GLIS3: variants seen among roughly 807,000 people sequenced by gnomAD.
The protein encoded by GLIS3 is zinc finger protein GLIS3.
Under a neutral mutation model 78.6 loss-of-function variants are expected in GLIS3, and 53 were observed. The ratio of observed to expected loss-of-function variants is 0.67; its 90% CI spans 0.54 to 0.85. GLIS3 has a LOEUF of 0.85. GLIS3 is among the 40% of genes least tolerant of loss of function. The pLI, the probability that GLIS3 is intolerant of heterozygous loss-of-function variation, is 0.00. For missense variants in GLIS3, 1,703 were observed against 1,231.1 expected, an observed-to-expected ratio of 1.38 and a Z score of -5.74; for synonymous variants, 684 against 509.9, an observed-to-expected ratio of 1.34 and a Z score of -4.60.
chr9:3,970,827 G>C (rs561397621), intron 4 of GLIS3, among the ~76,000 whole-genome samples: 2 of 152,254 alleles, frequency 1.3e-5, no homozygotes, highest in East Asian at 1.9e-4. Flanking sequence ...ATGAGAAGAT[G>C]AGTATTCCCA....
At chr9:4,231,585 T>A (rs189965858) in intron 2 of GLIS3, among the ~76,000 whole-genome samples, 123 of 152,092 alleles carry the variant, frequency 8.1e-4, no homozygotes, top group Admixed American at 2.2e-3. Flanking sequence ...CAGAAAAACA[T>A]CAGAATAAAG....
the GLIS3 span, among the ~76,000 whole-genome samples, chr9:4,440,733 G>C: frequency 6.6e-6 from 1 of 152,122 alleles, no homozygotes; most frequent in African/African-American, 2.4e-5. Context: ...CATTGATTTT[G>C]TAGATCACTT....
intron 9 of GLIS3, among the ~76,000 whole-genome samples, chr9:3,830,420 C>T (rs1444168069): frequency 6.6e-6 from 1 of 152,162 alleles, no homozygotes; most frequent in Non-Finnish European, 1.5e-5. Context: ...AGCATTGTGG[C>T]TCTGCTGTTA....
intron 4 of GLIS3, among the ~76,000 whole-genome samples, chr9:4,067,844 C>T (rs991459356): frequency 6.6e-6 from 1 of 151,484 alleles, no homozygotes; most frequent in Admixed American, 6.6e-5. Flanking sequence ...ACAGATTGAT[C>T]CCAGACTTCT....
intron 2 of GLIS3, among the ~76,000 whole-genome samples, chr9:4,225,766 C>G (rs973325835): frequency 5.9e-5 from 9 of 152,170 alleles, no homozygotes; most frequent in African/African-American, 2.2e-4. Flanking sequence ...ACAACTTGAA[C>G]TCTTGAGACC....
rs561670253 is a variant in GLIS3 at position 4,130,647 on chromosome 9, T to C, written c.389-4706A>G. Reference sequence around the variant, plus strand: ...ATGCAAGAGTTGAGGCTTGGAAGCTTCTGCCTAGATTTCAGAGGATGCATG... The same window carrying C: ...ATGCAAGAGTTGAGGCTTGGAAGCTCCTGCCTAGATTTCAGAGGATGCATG... On this transcript the variant is annotated intron_variant, in intron 2 of 10. Coordinates refer to ENST00000381971, the MANE Select transcript of GLIS3 (RefSeq NM_001042413.2). Among the ~76,000 whole-genome samples, 4 of 152,336 alleles carry C rather than the reference T, an allele frequency of 2.6e-5. No individual in the cohort carries two copies. In the South Asian group the frequency reaches 8.3e-4, roughly 32 times the overall value.
At chr9:3,905,833 C>T (rs750891080) in intron 6 of GLIS3, among the ~76,000 whole-genome samples, 63 of 152,320 alleles carry the variant, frequency 4.1e-4, no homozygotes, top group Non-Finnish European at 8.4e-4. Flanking sequence ...CTTCCCCATT[C>T]TTCCACTGTC....
chr9:4,123,522 A>C (rs560884532), intron 3 of GLIS3, among the ~76,000 whole-genome samples: 2 of 152,288 alleles, frequency 1.3e-5, no homozygotes, highest in Middle Eastern at 6.8e-3. Flanking sequence ...AGTGCCAACT[A>C]ACAAAAGACT....
chr9:4,206,805 T>C (rs1422400850), intron 2 of GLIS3, among the ~76,000 whole-genome samples: 3 of 145,812 alleles, frequency 2.1e-5, no homozygotes, highest in African/African-American at 5.7e-5. Context: ...TAACTGTTTA[T>C]TGAAATGCGA....
chr9:3,845,039 T>A (rs1818946363), intron 9 of GLIS3, among the ~76,000 whole-genome samples: 1 of 151,332 alleles, frequency 6.6e-6, no homozygotes, highest in African/African-American at 2.4e-5. Flanking sequence ...TTTAGAAATA[T>A]TTCCTAAGAA....
chr9:4,416,156 G>A, the GLIS3 span, among the ~76,000 whole-genome samples: 1 of 145,062 alleles, frequency 6.9e-6, no homozygotes, highest in Non-Finnish European at 1.5e-5. Context: ...GGAGATCAAG[G>A]CAAGAGGATC....
At chr9:4,469,853 T>A in the GLIS3 span, among the ~76,000 whole-genome samples, 2 of 152,256 alleles carry the variant, frequency 1.3e-5, no homozygotes, top group African/African-American at 2.4e-5. Flanking sequence ...GGAGCTGTTT[T>A]TTTGAGAAGA....
chr9:4,048,860 G>C (rs1825473648), intron 4 of GLIS3, among the ~76,000 whole-genome samples: 1 of 152,138 alleles, frequency 6.6e-6, no homozygotes. Flanking sequence ...CGCTTTTCTA[G>C]AAACAGGCAA....
chr9:4,267,860 T>A (rs1339420455), intron 2 of GLIS3, among the ~76,000 whole-genome samples: 8 of 152,126 alleles, frequency 5.3e-5, no homozygotes, highest in Non-Finnish European at 1.2e-4. Context: ...ACGTTTCTAC[T>A]AGGTACATCA....
intron 2 of GLIS3, among the ~76,000 whole-genome samples, chr9:4,166,495 A>G (rs1564141601): frequency 6.6e-6 from 1 of 152,222 alleles, no homozygotes. Flanking sequence ...AAAAATAACC[A>G]TTCTTACAGC....
At chr9:4,331,874 G>T (rs57903073) in intron 2 of GLIS3, among the ~76,000 whole-genome samples, 1 of 152,032 alleles carries the variant, frequency 6.6e-6, no homozygotes, top group Non-Finnish European at 1.5e-5. Flanking sequence ...GAGAAAATAT[G>T]ATTTATTACA....
chr9:4,489,775 A>C, the GLIS3 span, among the ~76,000 whole-genome samples: 2 of 152,212 alleles, frequency 1.3e-5, no homozygotes, highest in East Asian at 3.8e-4. Flanking sequence ...TCACAGAGCA[A>C]GTCCCAAGGA....
At chr9:4,374,209 T>A in the GLIS3 span, among the ~76,000 whole-genome samples, 1 of 152,216 alleles carries the variant, frequency 6.6e-6, no homozygotes, top group African/African-American at 2.4e-5. Context: ...CACCATCAGG[T>A]ATTTCTCCTC....
chr9:4,032,204 C>T (rs909757300), intron 4 of GLIS3, among the ~76,000 whole-genome samples: 1 of 152,136 alleles, frequency 6.6e-6, no homozygotes, highest in Non-Finnish European at 1.5e-5. Context: ...TCACTACACA[C>T]AGGAGGAGGT....
Sources: allele counts gnomAD v4.1 joint callset (sites outside exome capture counted in the v4.1 genomes callset), GRCh38; gene constraint gnomAD v4.1.1; transcripts MANE v1.5; gene names NCBI Gene and HGNC (gene_info 2026-07-23, HGNC 2026-07-21).